Variants in ACP4 observed in about 807,000 individuals in gnomAD.
The protein encoded by ACP4 is acid phosphatase 4.
In ACP4, 49 loss-of-function variants were observed where a neutral mutation model predicts 47.3. That is an observed-to-expected ratio of 1.04 (90% CI 0.82 to 1.32). The LOEUF is 1.32. Among genes scored for constraint, ACP4 ranks in the 40% most tolerant of loss-of-function variants. The pLI is 0.00. For missense variants in ACP4, 594 were observed against 579.3 expected, an observed-to-expected ratio of 1.03 and a Z score of -0.26; for synonymous variants, 299 against 265.3, an observed-to-expected ratio of 1.13 and a Z score of -1.23.
chr19:50,795,084 G>A lies in ACP4; in HGVS notation c.1207G>A (p.Val403Met), dbSNP rs1304830654. ...GCTGGCCGGAGCTGTAGCTGTGCTGGTGGCACTCAGCTTGGGGCTGGGCCT... is the reference window on the plus strand; with the variant it reads ...GCTGGCCGGAGCTGTAGCTGTGCTGATGGCACTCAGCTTGGGGCTGGGCCT... ...PLLAGAVAVL[V>M]ALSLGLGLLA... is the part of the protein sequence containing the mutation. Residue 403 changes from valine to methionine, a missense_variant, in exon 11 of 11, where the codon GTG (valine) becomes ATG (methionine). Val to Met is a conservative substitution (Grantham distance 21, BLOSUM62 1). Coordinates refer to ENST00000270593, the MANE Select transcript of ACP4 (RefSeq NM_033068.3). 1 of 1,592,978 alleles carries A rather than the reference G, an allele frequency of 6.3e-7. No homozygotes were observed. The highest frequency in any genetic ancestry group is 8.5e-7 in the Non-Finnish European group (1 of 1,170,540).
Position 50,793,941 on chromosome 19 carries a change from C to G in ACP4, c.832C>G (p.Leu278Val), listed in dbSNP as rs1223076097. ...CTTCTCCCGGGTCCAGCGCCTGGGG[C>G]TGCCCCTCAAGATGGTCATGTACTC... The part of the protein sequence containing the change: ...ANFSRVQRLG[L>V]PLKMVMYSAH... Residue 278 changes from leucine to valine, a missense_variant, in exon 8 of 11, where the codon CTG becomes GTG. Coordinates refer to ENST00000270593, the MANE Select transcript of ACP4 (RefSeq NM_033068.3). 6.2e-7 allele frequency: 1 copy of G among 1,614,110 alleles called. No individual in the cohort carries two copies. Among genetic ancestry groups the G allele is most frequent in the African/African-American group, 1.3e-5 (1 of 75,068 alleles).
intron 9 of ACP4, 31 bp downstream of exon 9, chr19:50,794,612 G>A: frequency 6.2e-7 from 1 of 1,613,954 alleles, no homozygotes. Flanking sequence ...AGGGACATGG[G>A]TGGGACAGAA....
Position 50,791,780 on chromosome 19 carries a change from C to A in ACP4, c.428C>A (p.Thr143Lys), listed in dbSNP as rs546603773. 1.2e-6 allele frequency: 2 copies of A among 1,610,330 alleles called. No homozygotes were observed. Among genetic ancestry groups the A allele is most frequent in the African/African-American group, 1.3e-5 (1 of 74,892 alleles). ...EARWRPIPVH[T>K]VPVAEDKLLR... is the part of the protein sequence containing the mutation. The stretch of plus-strand genomic sequence containing the variant: ...CGCTGGAGGCCGATCCCGGTGCACA[C>A]GGTGCCCGTGGCTGAGGATAAGGTC... Residue 143 changes from threonine (T) to lysine (K), a missense_variant, in exon 4 of 11, where the codon ACG becomes AAG. Physicochemically the swap from Thr to Lys is moderately conservative, Grantham distance 78 (BLOSUM62 -1). Coordinates refer to ENST00000270593, the MANE Select transcript of ACP4 (RefSeq NM_033068.3).
In ACP4 at chr19:50,792,306, C is replaced by G; in HGVS notation, c.614C>G (p.Ala205Gly). 1 of 1,613,494 alleles carries G rather than the reference C, an allele frequency of 6.2e-7. No individual in the cohort carries two copies. The highest frequency in any genetic ancestry group is 8.5e-7 in the Non-Finnish European group (1 of 1,180,024). ...LSLVGEPLRR[A>G]WKVLDTLMCQ... ...CTGGTTGGAGAGCCACTGCGCAGGG[C>G]ATGGAAGGTTCTGGACACCCTCATG... Residue 205 changes from alanine to glycine, a missense_variant, in exon 6 of 11, where the codon GCA becomes GGA. By Grantham distance (60) the Ala-to-Gly change is moderately conservative. Coordinates refer to ENST00000270593, the MANE Select transcript of ACP4 (RefSeq NM_033068.3).
rs200028535 is a variant in ACP4 at position 50,794,903 on chromosome 19, G to A, written c.1104G>A (p.Pro368=). Residue 368 remains proline (P), a synonymous_variant, in exon 10 of 11, where the codon CCG becomes CCA. Transcript: ENST00000270593. The stretch of plus-strand genomic sequence containing the variant: ...GCCGCTTCTACCAGCTGACTGCCCC[G>A]GCCCGGCCTCCCGCCCATGGGGTCT... ...PLGRFYQLTA[P]ARPPAHGVSC... 2.1e-4 allele frequency: 333 copies of A among 1,613,562 alleles called. No individual in the cohort carries two copies. The highest frequency in any genetic ancestry group is 4.7e-4 in the African/African-American group (35 of 75,030).
chr19:50,792,152 A>T lies in ACP4; in HGVS notation c.530A>T (p.Glu177Val), dbSNP rs1190680632. ...GCCACCGAGGCCGCCGAGTACCAGG[A>T]GGCCCTGGAGGGCTGGACGGTGAGC... ...REATEAAEYQ[E>V]ALEGWTGFLS... The change falls in exon 5 of 11, where the codon GAG (glutamate) becomes GTG (valine). Residue 177 changes from glutamate to valine, a missense_variant. Physicochemically the swap from Glu to Val is moderately radical, Grantham distance 121 (BLOSUM62 -2). Coordinates refer to ENST00000270593, the MANE Select transcript of ACP4 (RefSeq NM_033068.3). 6.2e-7 allele frequency: 1 copy of T among 1,609,894 alleles called. No homozygotes were observed. Among genetic ancestry groups the T allele is most frequent in the South Asian group, 1.1e-5 (1 of 90,882 alleles).
In ACP4 at chr19:50,790,460, C is replaced by CTGCT. The variant is rs756518121; in HGVS notation, c.47_50dup (p.Leu18AlafsTer94). 2.5e-6 allele frequency: 4 copies of CTGCT among 1,571,880 alleles called. No individual in the cohort carries two copies. The highest frequency in any genetic ancestry group is 3.4e-6 in the Non-Finnish European group (4 of 1,163,160). On this transcript the variant is annotated frameshift_variant, in exon 1 of 11. Coordinates refer to ENST00000270593, the MANE Select transcript of ACP4 (RefSeq NM_033068.3). LOFTEE classifies it high-confidence loss of function. ...GGGCCACCCTGCTGGACCTCTCCTG[C>CTGCT]TGCTGCTGCTGCTGGTGCTGCCACC...
Position 50,790,825 on chromosome 19 carries a change from G to C in ACP4, c.268G>C (p.Glu90Gln), listed in dbSNP as rs766292269. The change falls in exon 3 of 11, where the codon GAG becomes CAG. Residue 90 changes from glutamate to glutamine, a missense_variant. Physicochemically the swap from Glu to Gln is conservative, Grantham distance 29. Transcript: ENST00000270593. ...GGGCCGCTTCCTGAGGAGCCGCTACGAGGCCTTCCTGAGTCCGGAGTACCG... is the reference window on the plus strand; with the variant it reads ...GGGCCGCTTCCTGAGGAGCCGCTACCAGGCCTTCCTGAGTCCGGAGTACCG... ...ELGRFLRSRY[E>Q]AFLSPEYRRE... 1 of 1,548,866 alleles carries C rather than the reference G, an allele frequency of 6.5e-7. No individual in the cohort carries two copies.
chr19:50,795,135 C>T lies in ACP4; in HGVS notation c.1258C>T (p.Arg420Trp), dbSNP rs771289861. Residue 420 changes from arginine (R) to tryptophan (W), a missense_variant, in exon 11 of 11, where the codon CGG becomes TGG. Arg to Trp is a moderately radical substitution (Grantham distance 101). Transcript: ENST00000270593. ...GLLAWRPGCL[R>W]ALGGPV is the part of the protein sequence containing the mutation. Reference sequence around the variant, plus strand: ...GCTGGCCTGGAGACCAGGGTGCCTGCGGGCCTTGGGGGGCCCCGTGTGAGC... The same window carrying T: ...GCTGGCCTGGAGACCAGGGTGCCTGTGGGCCTTGGGGGGCCCCGTGTGAGC... The T allele has an allele frequency of 2.3e-5, 36 of 1,554,862 alleles. No homozygotes were observed. The highest frequency in any genetic ancestry group is 9.6e-5 in the East Asian group (4 of 41,466).
At chr19:50,792,909 TCAAA>T (rs1423424005) in intron 6 of ACP4, 1 of 152,472 alleles carries the variant, frequency 6.6e-6, no homozygotes, top group African/African-American at 2.4e-5. Flanking sequence ...ACTCCTGGGC[TCAAA>T]CAATCCTTTC....
At chr19:50,794,270 C>A (rs2089535761) in intron 8 of ACP4, among the ~76,000 whole-genome samples, 187 bp from the exon 9 acceptor site, 1 of 152,204 alleles carries the variant, frequency 6.6e-6, no homozygotes. Flanking sequence ...ATATTTTGCA[C>A]CTACTTGAGC....
rs1328054351 is a variant in ACP4, at chr19:50,792,345, C to A, written c.645+8C>A. ...GACACCCTCATGTGCCAGGTGAGCC[C>A]TGCCCCTTCCCAGCCAAGGGTTTAA... is the stretch of plus-strand genomic sequence containing the variant. On this transcript the variant is annotated splice_region_variant and intron_variant, in intron 6 of 10. Coordinates refer to ENST00000270593, the MANE Select transcript of ACP4 (RefSeq NM_033068.3). 6.2e-7 allele frequency: 1 copy of A among 1,612,656 alleles called. No individual in the cohort carries two copies. The highest frequency in any genetic ancestry group is 1.3e-5 in the African/African-American group (1 of 75,040).
Position 50,795,136 on chromosome 19 carries a change from G to T in ACP4, c.1259G>T (p.Arg420Leu). Residue 420 changes from arginine (R) to leucine (L), a missense_variant, in exon 11 of 11, where the codon CGG becomes CTG. Transcript: ENST00000270593. ...CTGGCCTGGAGACCAGGGTGCCTGC[G>T]GGCCTTGGGGGGCCCCGTGTGAGCC... is the stretch of plus-strand genomic sequence containing the variant. ...GLLAWRPGCLRALGGPV is the reference protein window; with the variant it reads ...GLLAWRPGCLLALGGPV The T allele has an allele frequency of 6.5e-7, 1 of 1,550,384 alleles. No homozygotes were observed. The highest frequency in any genetic ancestry group is 2.4e-5 in the East Asian group (1 of 41,300).
chr19:50,792,533 G>A (rs1036321475), intron 6 of ACP4, 196 bp downstream of exon 6: 14 of 608,700 alleles, frequency 2.3e-5, no homozygotes, highest in South Asian at 6.0e-5. Context: ...GTTAATCCAC[G>A]CACTGTGCTT....
intron 3 of ACP4, among the ~76,000 whole-genome samples, chr19:50,791,416 C>T (rs10412862): frequency 0.13 from 20,114 of 152,022 alleles, 1,623 homozygotes; most frequent in African/African-American, 0.23. Flanking sequence ...CCTTTTTGAC[C>T]CTCATTGACT....
Position 50,795,204 on chromosome 19 carries a change from A to C in ACP4, c.*46A>C. The C allele has an allele frequency of 6.8e-7, 1 of 1,465,012 alleles. No individual in the cohort carries two copies. Among genetic ancestry groups the C allele is most frequent in the East Asian group, 2.5e-5 (1 of 40,358 alleles). 90.8% of individuals were successfully genotyped at this position (1,465,012 alleles called of 1,614,324 possible). A position where few individuals can be genotyped will look rare whatever the true frequency, so the allele number is the denominator to read the frequency against. ...TACCCCCAGCTGACACTGGACCCCA[A>C]CATGTATGCTCAGTAGCTGCTCTGG... On this transcript the variant is annotated 3_prime_UTR_variant, in exon 11 of 11. Coordinates refer to ENST00000270593, the MANE Select transcript of ACP4 (RefSeq NM_033068.3).
rs2089511006 is a variant in ACP4, at chr19:50,791,807, G to A, written c.450+5G>A. 1 of 1,594,970 alleles carries A rather than the reference G, an allele frequency of 6.3e-7. No homozygotes were observed. Among genetic ancestry groups the A allele is most frequent in the African/African-American group, 1.3e-5 (1 of 74,738 alleles). On this transcript the variant is annotated splice_donor_5th_base_variant and intron_variant, in intron 4 of 10. Coordinates refer to ENST00000270593, the MANE Select transcript of ACP4 (RefSeq NM_033068.3). ...GTGCCCGTGGCTGAGGATAAGGTCA[G>A]GGGGCTGGACCCACGTGTGGCGAGG...
At chr19:50,791,199 T>C (rs17800375) in intron 3 of ACP4, among the ~76,000 whole-genome samples, 15,564 of 152,196 alleles carry the variant, frequency 0.1, 854 homozygotes, top group Middle Eastern at 0.13. Flanking sequence ...TTGACGTAAC[T>C]TGCCCTCTTG....
rs752198978 is a variant in ACP4 at position 50,794,548 on chromosome 19, G to A, written c.953G>A (p.Arg318Gln). The change falls in exon 9 of 11, where the codon CGG (arginine) becomes CAG (glutamine). Residue 318 changes from arginine to glutamine, a missense_variant. By Grantham distance (43) the Arg-to-Gln change is conservative. Transcript: ENST00000270593. ...GCTGCCTGCCTCGGCTTTGAGTTCC[G>A]GAAGCACCTGGGGAATCCCGCCAAA... ...PYAACLGFEF[R>Q]KHLGNPAKDG... 7.4e-6 allele frequency: 12 copies of A among 1,613,934 alleles called. No individual in the cohort carries two copies. Among genetic ancestry groups the A allele is most frequent in the East Asian group, 2.2e-5 (1 of 44,870 alleles).
Sources: gnomAD v4.1 joint callset for allele counts (sites outside exome capture counted in the v4.1 genomes callset) on GRCh38, gnomAD v4.1.1 for gene constraint, MANE v1.5 for transcripts, NCBI Gene and HGNC (gene_info 2026-07-23, HGNC 2026-07-21) for gene names.